LRRTM4: variants seen among roughly 807,000 people sequenced by gnomAD.
LRRTM4 encodes leucine-rich repeat transmembrane neuronal protein 4.
LRRTM4 carries 25 observed loss-of-function variants against 47.6 expected under a neutral mutation model. The ratio of observed to expected loss-of-function variants is 0.53; its 90% CI spans 0.38 to 0.73. LRRTM4 has a LOEUF of 0.73. LRRTM4 is among the 30% of genes least tolerant of loss of function. The pLI is 0.00. For synonymous variants in LRRTM4, 311 were observed against 269.5 expected, an observed-to-expected ratio of 1.15 and a Z score of -1.51; for missense variants, 638 against 713.4, an observed-to-expected ratio of 0.89 and a Z score of 1.20.
chr2:77,146,166 T>A (rs895481916), intron 3 of LRRTM4, among the ~76,000 whole-genome samples: 1 of 152,218 alleles, frequency 6.6e-6, no homozygotes, highest in Non-Finnish European at 1.5e-5. Context: ...ACTGTAACAT[T>A]GAACAGTTTT....
intron 3 of LRRTM4, among the ~76,000 whole-genome samples, chr2:77,363,613 C>T (rs534724323): frequency 3.5e-4 from 53 of 152,230 alleles, no homozygotes; most frequent in African/African-American, 1.3e-3. Flanking sequence ...GCATCCAATC[C>T]GAAATTCTAT....
intron 3 of LRRTM4, among the ~76,000 whole-genome samples, chr2:77,288,398 GA>G (rs1025940943): frequency 1.4e-4 from 21 of 151,870 alleles, no homozygotes; most frequent in African/African-American, 4.6e-4. Flanking sequence ...TGGAGTGTGA[GA>G]AGATATTGAA....
intron 3 of LRRTM4, among the ~76,000 whole-genome samples, chr2:77,395,457 AAC>A (rs1380608999): frequency 1.3e-5 from 2 of 151,964 alleles, no homozygotes; most frequent in African/African-American, 4.8e-5. Flanking sequence ...TTTTCTTGAA[AAC>A]ACAGAGCTAG....
intron 3 of LRRTM4, among the ~76,000 whole-genome samples, chr2:76,983,631 A>C (rs1186972255): frequency 2.6e-5 from 4 of 152,076 alleles, no homozygotes; most frequent in Non-Finnish European, 5.9e-5. Context: ...TGTCTTTATT[A>C]GTAGCATGAG....
intron 3 of LRRTM4, among the ~76,000 whole-genome samples, chr2:76,796,049 GTGATGTAC>G (rs1203289689): frequency 2.6e-5 from 3 of 117,578 alleles, no homozygotes; most frequent in Non-Finnish European, 4.9e-5. Context: ...AAAGAAAGGG[GTGATGTAC>G]TGCACCTGGA....
intron 3 of LRRTM4, among the ~76,000 whole-genome samples, chr2:77,442,837 C>A (rs1675898729): frequency 6.6e-6 from 1 of 152,094 alleles, no homozygotes; most frequent in African/African-American, 2.4e-5. Context: ...AGAAGTGACA[C>A]TTGGAAGGAG....
chr2:76,867,032 A>G (rs1236850856), intron 3 of LRRTM4, among the ~76,000 whole-genome samples: 1 of 151,992 alleles, frequency 6.6e-6, no homozygotes, highest in Non-Finnish European at 1.5e-5. Context: ...GAATACATGG[A>G]TACAGGGAGG....
chr2:77,292,969 T>G (rs1038347721), intron 3 of LRRTM4, among the ~76,000 whole-genome samples: 11 of 151,786 alleles, frequency 7.2e-5, no homozygotes, highest in Non-Finnish European at 1.5e-4. Context: ...TAAAAATACC[T>G]AAAACTTAAA....
intron 3 of LRRTM4, among the ~76,000 whole-genome samples, chr2:76,938,687 G>C (rs565446093): frequency 6.6e-6 from 1 of 152,098 alleles, no homozygotes; most frequent in African/African-American, 2.4e-5. Context: ...GTTTTTCTCA[G>C]GAAGAGGTCT....
intron 3 of LRRTM4, among the ~76,000 whole-genome samples, chr2:77,347,053 C>T (rs1671591042): frequency 6.6e-6 from 1 of 152,138 alleles, no homozygotes; most frequent in African/African-American, 2.4e-5. Context: ...TATAGGGTGG[C>T]CAAAGAAGCA....
intron 3 of LRRTM4, among the ~76,000 whole-genome samples, chr2:77,331,564 T>A (rs981145315): frequency 6.6e-6 from 1 of 152,186 alleles, no homozygotes; most frequent in Non-Finnish European, 1.5e-5. Flanking sequence ...TATGAACATA[T>A]CTAAATGAAA....
At chr2:77,004,620 C>T (rs994446407) in intron 3 of LRRTM4, among the ~76,000 whole-genome samples, 10 of 152,110 alleles carry the variant, frequency 6.6e-5, no homozygotes, top group Admixed American at 6.6e-4. Context: ...CACAGAGTCC[C>T]CAATGGGGCA....
chr2:77,459,196 G>A (rs1184613785), intron 3 of LRRTM4, among the ~76,000 whole-genome samples: 1 of 151,904 alleles, frequency 6.6e-6, no homozygotes, highest in East Asian at 1.9e-4. Context: ...TCAAAAATTG[G>A]ATTTTATCTT....
intron 3 of LRRTM4, among the ~76,000 whole-genome samples, chr2:76,754,160 T>G (rs964896617): frequency 2.6e-5 from 4 of 152,204 alleles, no homozygotes; most frequent in African/African-American, 7.2e-5. Context: ...GCAGTTGAAT[T>G]GCTTAATGAA....
intron 3 of LRRTM4, among the ~76,000 whole-genome samples, chr2:77,253,803 T>G (rs1383829817): frequency 6.7e-6 from 1 of 149,862 alleles, no homozygotes; most frequent in African/African-American, 2.5e-5. Context: ...TAAAAAAATT[T>G]TATGCAATCT....
rs1444532209 is a variant in LRRTM4 at position 77,378,529 on chromosome 2, GGTAATTTTTGAGACTTTATTT to G, written c.1551+139768_1551+139788del. ...ACATTATATGTATTTTCAACAATTG[GGTAATTTTTGAGACTTTATTT>G]GTATCCTGGGACCTAATTTAGGCAT... On this transcript the variant is annotated intron_variant, in intron 3 of 3. Coordinates refer to ENST00000409884, the MANE Select transcript of LRRTM4 (RefSeq NM_001134745.3). Among the ~76,000 whole-genome samples, 15 of 152,110 alleles carry G rather than the reference GGTAATTTTTGAGACTTTATTT, an allele frequency of 9.9e-5. No homozygotes were observed. In the East Asian group the frequency reaches 2.9e-3, roughly 29 times the overall value.
At chr2:76,832,207 T>C (rs1055276429) in intron 3 of LRRTM4, among the ~76,000 whole-genome samples, 2 of 152,136 alleles carry the variant, frequency 1.3e-5, no homozygotes, top group African/African-American at 4.8e-5. Flanking sequence ...CTGAGTTTCC[T>C]ATCACCAATT....
At chr2:77,262,375 C>A (rs1414272908) in intron 3 of LRRTM4, among the ~76,000 whole-genome samples, 1 of 152,102 alleles carries the variant, frequency 6.6e-6, no homozygotes, top group Non-Finnish European at 1.5e-5. Context: ...CACTGCTAGA[C>A]ACCCCTTCCT....
At chr2:77,026,300 A>G (rs1023139829) in intron 3 of LRRTM4, among the ~76,000 whole-genome samples, 3 of 152,130 alleles carry the variant, frequency 2.0e-5, no homozygotes, top group African/African-American at 4.8e-5. Flanking sequence ...GGTAGATATT[A>G]TATTTCCTAA....
Sources: gnomAD v4.1 joint callset for allele counts (sites outside exome capture counted in the v4.1 genomes callset) on GRCh38, gnomAD v4.1.1 for gene constraint, MANE v1.5 for transcripts, NCBI Gene and HGNC (gene_info 2026-07-23, HGNC 2026-07-21) for gene names.